The following LDHAL6A variants were observed in gnomAD, a reference collection of about 807,000 sequenced individuals.
LDHAL6A encodes lactate dehydrogenase A like 6A.
Under a neutral mutation model 28.2 loss-of-function variants are expected in LDHAL6A, and 19 were observed. That is an observed-to-expected ratio of 0.67 (90% confidence interval 0.47 to 0.99). The LOEUF (loss-of-function observed/expected upper bound fraction) is 0.99. LDHAL6A is among the 50% of genes least tolerant of loss of function. LDHAL6A has a pLI of 0.00. For synonymous variants in LDHAL6A, 144 were observed against 134.4 expected, an observed-to-expected ratio of 1.07 and a Z score of -0.49; for missense variants, 372 against 398.6, an observed-to-expected ratio of 0.93 and a Z score of 0.57.
rs1565067263 is a variant in LDHAL6A at position 18,462,646 on chromosome 11, ACAAAC to A, written c.127-1314_127-1310del. 2.2e-3 allele frequency among the ~76,000 whole-genome samples: 153 copies of A among 69,424 alleles called. 6 individuals carry two copies. Among genetic ancestry groups the A allele is most frequent in the African/African-American group, 0.014 (147 of 10,854 alleles). The allele number at this position is 69,424 out of a possible 152,430, so 45.5% of individuals were successfully genotyped here. ...AGCAAGACTCTGTCTCAAAAAACAA[ACAAAC>A]AAACAAAAAAAAAAACAAAAAAAAC... On this transcript the variant is annotated intron_variant, in intron 1 of 6. Coordinates refer to ENST00000280706, the MANE Select transcript of LDHAL6A (RefSeq NM_144972.5).
Position 18,464,977 on chromosome 11 carries a change from G to GTTTTTTTTTTTTTT in LDHAL6A, c.245-651_245-650insTTTTTTTTTTTTTT, listed in dbSNP as rs67628824. Among the ~76,000 whole-genome samples, 409 of 125,328 alleles carry GTTTTTTTTTTTTTT rather than the reference G, an allele frequency of 3.3e-3. 30 individuals carry two copies. Among genetic ancestry groups the GTTTTTTTTTTTTTT allele is most frequent in the Middle Eastern group, 8.5e-3 (2 of 234 alleles). The allele number at this position is 125,328 out of a possible 152,430, so 82.2% of individuals were successfully genotyped here. On this transcript the variant is annotated intron_variant, in intron 2 of 6. Coordinates refer to ENST00000280706, the MANE Select transcript of LDHAL6A (RefSeq NM_144972.5). ...TTTTAGGAGGTGAGGTGTTTTTTTT[G>GTTTTTTTTTTTTTT]TTTTTTTTTGTTTTGTTTTGTTTTG... is the stretch of plus-strand genomic sequence containing the variant.
At position 18,478,834 on chromosome 11, in the gene LDHAL6A, A is replaced by G. The variant is rs1040068560; in HGVS notation, c.963A>G (p.Glu321=). 6.2e-7 allele frequency: 1 copy of G among 1,613,608 alleles called. No individual in the cohort carries two copies. Among genetic ancestry groups the G allele is most frequent in the Non-Finnish European group, 8.5e-7 (1 of 1,179,934 alleles). ...AGGCCTGCTTGCAAAAGAGTGCAGA[A>G]ACACTTTGGGAAATTCAGAAGGAGC... ...EEEACLQKSA[E]TLWEIQKELK... Residue 321 remains glutamate, a synonymous_variant, in exon 7 of 7, where the codon GAA becomes GAG. Coordinates refer to ENST00000280706, the MANE Select transcript of LDHAL6A (RefSeq NM_144972.5).
chr11:18,460,552 C>A (rs1429348741), intron 1 of LDHAL6A, among the ~76,000 whole-genome samples: 2 of 146,230 alleles, frequency 1.4e-5, no homozygotes, highest in African/African-American at 5.2e-5. Context: ...AAGATCGCAC[C>A]ATTGCACTCC....
chr11:18,472,757 GAACA>G (rs956580860), intron 3 of LDHAL6A, among the ~76,000 whole-genome samples: 4 of 152,018 alleles, frequency 2.6e-5, no homozygotes, highest in African/African-American at 4.8e-5. Context: ...TCTAAAACAA[GAACA>G]AATAGATTTT....
Position 18,478,952 on chromosome 11 carries a change from A to G in LDHAL6A, c.*82A>G. ...TATGTCAAACTTTTGAATAAATTTGAATTTCTAAAAGTTGGAAAAATAGAG... is the reference window on the plus strand; with the variant it reads ...TATGTCAAACTTTTGAATAAATTTGGATTTCTAAAAGTTGGAAAAATAGAG... On this transcript the variant is annotated 3_prime_UTR_variant, in exon 7 of 7. Coordinates refer to ENST00000280706, the MANE Select transcript of LDHAL6A (RefSeq NM_144972.5). 8.2e-7 allele frequency: 1 copy of G among 1,226,248 alleles called. No individual in the cohort carries two copies. 76.0% of individuals were successfully genotyped at this position (1,226,248 alleles called of 1,614,324 possible).
At chr11:18,462,364 G>A (rs941001460) in intron 1 of LDHAL6A, among the ~76,000 whole-genome samples, 6 of 151,892 alleles carry the variant, frequency 4.0e-5, no homozygotes, top group South Asian at 4.2e-4. Flanking sequence ...TTGGCCGGGT[G>A]CGGTGTCTCA....
intron 2 of LDHAL6A, among the ~76,000 whole-genome samples, chr11:18,465,049 TG>T (rs1424899185): frequency 4.0e-5 from 6 of 150,180 alleles, no homozygotes; most frequent in African/African-American, 1.5e-4. Flanking sequence ...AGGCTGGACT[TG>T]GACTTCTGGG....
chr11:18,472,077 G>T (rs1849269538), intron 3 of LDHAL6A, among the ~76,000 whole-genome samples: 1 of 152,036 alleles, frequency 6.6e-6, no homozygotes, highest in African/African-American at 2.4e-5. Context: ...AAATGCGGTT[G>T]GGTACCCTGG....
At chr11:18,474,491 A>G (rs1296459351) in intron 3 of LDHAL6A, among the ~76,000 whole-genome samples, 3 of 151,694 alleles carry the variant, frequency 2.0e-5, no homozygotes, top group Non-Finnish European at 4.4e-5. Flanking sequence ...GGTTCAAGCA[A>G]TTCTCCTGCC....
chr11:18,475,345 G>A (rs1005418439), intron 3 of LDHAL6A, 121 bp from the exon 4 acceptor site: 2 of 756,286 alleles, frequency 2.6e-6, no homozygotes, highest in East Asian at 5.0e-5. Context: ...GGGTTGGATA[G>A]AGAACCATGT....
At chr11:18,474,478 C>T (rs565499854) in intron 3 of LDHAL6A, among the ~76,000 whole-genome samples, 10 of 152,140 alleles carry the variant, frequency 6.6e-5, no homozygotes, top group African/African-American at 1.9e-4. Flanking sequence ...CCTCCACCTC[C>T]CGGGTTCAAG....
chr11:18,470,413 T>TA (rs1849229858), intron 3 of LDHAL6A, among the ~76,000 whole-genome samples: 2 of 152,254 alleles, frequency 1.3e-5, no homozygotes, highest in South Asian at 2.1e-4. Context: ...CACACATGTG[T>TA]AATATGTATA....
intron 3 of LDHAL6A, among the ~76,000 whole-genome samples, chr11:18,466,937 A>T (rs1849089368): frequency 6.6e-6 from 1 of 152,164 alleles, no homozygotes; most frequent in South Asian, 2.1e-4. Context: ...TAACTTCGAG[A>T]GTTTTTCCTT....
intron 1 of LDHAL6A, among the ~76,000 whole-genome samples, chr11:18,461,863 A>AG (rs1353416592): frequency 7.0e-6 from 1 of 142,926 alleles, no homozygotes; most frequent in Non-Finnish European, 1.5e-5. Flanking sequence ...AAAAAAAGAA[A>AG]AAAAAAAAAA....
chr11:18,476,927 C>T (rs1849397312), intron 5 of LDHAL6A, among the ~76,000 whole-genome samples: 2 of 151,050 alleles, frequency 1.3e-5, no homozygotes, highest in African/African-American at 4.9e-5. Flanking sequence ...ATCACTTGAG[C>T]CCAGGAGTAT....
intron 3 of LDHAL6A, among the ~76,000 whole-genome samples, chr11:18,469,391 C>T (rs1366104727): frequency 6.6e-6 from 1 of 152,174 alleles, no homozygotes; most frequent in African/African-American, 2.4e-5. Context: ...ACTGGCCCAC[C>T]ACACTCCCAC....
In LDHAL6A at chr11:18,477,534, G is replaced by A. The variant is rs970379268; in HGVS notation, c.711-86G>A. On this transcript the variant is annotated intron_variant, in intron 5 of 6. Coordinates refer to ENST00000280706, the MANE Select transcript of LDHAL6A (RefSeq NM_144972.5). Reference sequence around the variant, plus strand: ...TTGTTGATGGAGTCACTGCAGTTTTGTGGCATTGTTAGATACATTGCTACA... The same window carrying A: ...TTGTTGATGGAGTCACTGCAGTTTTATGGCATTGTTAGATACATTGCTACA... The A allele has an allele frequency of 5.7e-6, 7 of 1,222,746 alleles. No homozygotes were observed. The African/African-American group carries it at 1.1e-4, about 19-fold the overall frequency. The allele number at this position is 1,222,746 out of a possible 1,614,324, so 75.7% of individuals were successfully genotyped here.
intron 2 of LDHAL6A, among the ~76,000 whole-genome samples, chr11:18,464,977 G>GT (rs67628824): frequency 0.76 from 95,754 of 126,172 alleles, 35,677 homozygotes; most frequent in East Asian, 0.91. Flanking sequence ...TGTTTTTTTT[G>GT]TTTTTTTTTG....
chr11:18,468,800 T>C (rs1459194817), intron 3 of LDHAL6A: 1 of 160,120 alleles, frequency 6.2e-6, no homozygotes, highest in Non-Finnish European at 1.4e-5. Flanking sequence ...TTTTTTAAAA[T>C]AGTTCATAGA....
Sources: gnomAD v4.1 joint callset for allele counts (sites outside exome capture counted in the v4.1 genomes callset) on GRCh38, gnomAD v4.1.1 for gene constraint, MANE v1.5 for transcripts, NCBI Gene and HGNC (gene_info 2026-07-23, HGNC 2026-07-21) for gene names.